SNX11: variants seen among roughly 807,000 people sequenced by gnomAD.
The protein encoded by SNX11 is sorting nexin 11.
SNX11 carries 19 observed loss-of-function variants against 30.7 expected under a neutral mutation model. That is an observed-to-expected ratio of 0.62 (90% CI 0.43 to 0.91). The LOEUF is 0.91. Among genes scored for constraint, SNX11 ranks in the 40% least tolerant of loss-of-function variants. The pLI, the probability that SNX11 is intolerant of heterozygous loss-of-function variation, is 0.00. For synonymous variants in SNX11, 112 were observed against 119.0 expected, an observed-to-expected ratio of 0.94 and a Z score of 0.38; for missense variants, 302 against 326.7, an observed-to-expected ratio of 0.92 and a Z score of 0.58.
At chr17:48,114,073 C>G (rs2063518437) in intron 4 of SNX11, among the ~76,000 whole-genome samples, 1 of 151,352 alleles carries the variant, frequency 6.6e-6, no homozygotes, top group Non-Finnish European at 1.5e-5. Flanking sequence ...CCAGGCTGGT[C>G]TCAAATTCCT....
At chr17:48,107,720 T>C (rs1357843998), upstream of SNX11, 1 of 152,186 alleles carries the variant, frequency 6.6e-6, no homozygotes. Context: ...GCACCCGGGA[T>C]TGGGGCGTCT....
intron 1 of SNX11, among the ~76,000 whole-genome samples, chr17:48,110,203 T>C (rs8066529): frequency 0.17 from 25,383 of 152,194 alleles, 2,177 homozygotes; most frequent in Non-Finnish European, 0.18. Context: ...TTGACTGATA[T>C]CTGGAATGTT....
chr17:48,121,324 T>C lies in SNX11; in HGVS notation c.629T>C (p.Val210Ala). ...EKDHLEVWAP[V>A]VDSEVPSLES... is the part of the protein sequence containing the mutation. ...GACCATTTAGAAGTGTGGGCTCCAG[T>C]TGTTGACTCTGAGGTTCCTTCCTTG... is the stretch of plus-strand genomic sequence containing the variant. The change falls in exon 7 of 7, where the codon GTT becomes GCT. Residue 210 changes from valine to alanine, a missense_variant. Transcript: ENST00000359238. 2 of 1,614,188 alleles carry C rather than the reference T, an allele frequency of 1.2e-6. No individual in the cohort carries two copies. Among genetic ancestry groups the C allele is most frequent in the Non-Finnish European group, 1.7e-6 (2 of 1,180,040 alleles).
chr17:48,116,757 G>A (rs990158535), intron 4 of SNX11, among the ~76,000 whole-genome samples: 20 of 150,206 alleles, frequency 1.3e-4, no homozygotes, highest in African/African-American at 4.6e-4. Flanking sequence ...TAGTAGAGTC[G>A]GGGTTTCACC....
chr17:48,113,016 G>C, intron 3 of SNX11: 1 of 337,660 alleles, frequency 3.0e-6, no homozygotes, highest in Non-Finnish European at 5.5e-6. Flanking sequence ...GGGATTATAG[G>C]CGTGAGCCAC....
At chr17:48,114,394 C>A (rs2063522851) in intron 4 of SNX11, among the ~76,000 whole-genome samples, 1 of 151,624 alleles carries the variant, frequency 6.6e-6, no homozygotes, top group African/African-American at 2.4e-5. Flanking sequence ...CTCAGGTGAT[C>A]TGCCTGCCTT....
In SNX11 at chr17:48,119,646, T is replaced by C. The variant is rs534661311; in HGVS notation, c.539+460T>C. On this transcript the variant is annotated intron_variant, in intron 6 of 6. Coordinates refer to ENST00000359238, the MANE Select transcript of SNX11 (RefSeq NM_013323.3). ...TTTGTATTTTTAGTAGAGACGGGAT[T>C]TTGCCATGTTGGCCAGGCTGGTCTC... Among the ~76,000 whole-genome samples the C allele has an allele frequency of 5.1e-3, 776 of 152,276 alleles. 1 individual carries two copies. The highest frequency in any genetic ancestry group is 0.014 in the African/African-American group (600 of 41,570).
Position 48,119,018 on chromosome 17 carries a change from T to C in SNX11, c.371T>C (p.Leu124Pro). 1 of 1,614,052 alleles carries C rather than the reference T, an allele frequency of 6.2e-7. No individual in the cohort carries two copies. Among genetic ancestry groups the C allele is most frequent in the Non-Finnish European group, 8.5e-7 (1 of 1,180,012 alleles). ...CTCCTGTCAGACAGCCAGTTGCACC[T>C]ATTCCTGCAAAGCCAGCTCTCGGTG... ...VVLLSDSQLH[L>P]FLQSQLSVPE... Residue 124 changes from leucine (L) to proline (P), a missense_variant, in exon 6 of 7, where the codon CTA becomes CCA. Physicochemically the swap from Leu to Pro is moderately conservative, Grantham distance 98. Transcript: ENST00000359238.
Position 48,121,670 on chromosome 17 carries a change from A to T in SNX11, c.*162A>T, listed in dbSNP as rs1004903346. ...CAGAGGTCAGTCATTACAGCCCCTT[A>T]TGCCTCTTCCATGGGAACAAATACT... On this transcript the variant is annotated 3_prime_UTR_variant, in exon 7 of 7. Coordinates refer to ENST00000359238, the MANE Select transcript of SNX11 (RefSeq NM_013323.3). 7 of 671,042 alleles carry T rather than the reference A, an allele frequency of 1.0e-5. No individual in the cohort carries two copies. The highest frequency in any genetic ancestry group is 1.8e-5 in the Non-Finnish European group (7 of 392,924). The allele number at this position is 671,042 out of a possible 1,614,324, so 41.6% of individuals were successfully genotyped here. A position where few individuals can be genotyped will look rare whatever the true frequency, so the allele number is the denominator to read the frequency against.
chr17:48,109,506 C>T (rs2063469361), intron 1 of SNX11, among the ~76,000 whole-genome samples: 1 of 151,876 alleles, frequency 6.6e-6, no homozygotes, highest in South Asian at 2.1e-4. Flanking sequence ...ATTTCGCCCG[C>T]CTCGGCCTCC....
In SNX11 at chr17:48,121,303, A is replaced by G. The variant is rs767862748; in HGVS notation, c.608A>G (p.His203Arg). 13 of 1,614,058 alleles carry G rather than the reference A, an allele frequency of 8.1e-6. No homozygotes were observed. The highest frequency in any genetic ancestry group is 1.1e-5 in the Non-Finnish European group (13 of 1,180,024). ...CCGCCTCCCAGTGAAGAAAAGGACC[A>G]TTTAGAAGTGTGGGCTCCAGTTGTT... Reference protein sequence around the residue: ...PSPPPSEEKDHLEVWAPVVDS... With the variant: ...PSPPPSEEKDRLEVWAPVVDS... Residue 203 changes from histidine to arginine, a missense_variant, in exon 7 of 7, where the codon CAT becomes CGT. Coordinates refer to ENST00000359238, the MANE Select transcript of SNX11 (RefSeq NM_013323.3).
rs1367458393 is a variant in SNX11 at position 48,123,414 on chromosome 17, A to G, written c.*1906A>G. Reference sequence around the variant, plus strand: ...TGGAGGTGGTCTGTGTCAATTCCCTACTCAGCCAAAAAAACAGCAAGCTGG... The same window carrying G: ...TGGAGGTGGTCTGTGTCAATTCCCTGCTCAGCCAAAAAAACAGCAAGCTGG... On this transcript the variant is annotated 3_prime_UTR_variant, in exon 7 of 7. Coordinates refer to ENST00000359238, the MANE Select transcript of SNX11 (RefSeq NM_013323.3). Among the ~76,000 whole-genome samples the G allele has an allele frequency of 6.8e-6, 1 of 146,884 alleles. No homozygotes were observed. The highest frequency in any genetic ancestry group is 1.5e-5 in the Non-Finnish European group (1 of 65,926).
chr17:48,111,517 C>T (rs112784015), intron 1 of SNX11, among the ~76,000 whole-genome samples: 2 of 151,924 alleles, frequency 1.3e-5, no homozygotes, highest in African/African-American at 2.4e-5. Flanking sequence ...TGTGGTGGCA[C>T]GTGCCTGTAA....
At position 48,119,051 on chromosome 17, in the gene SNX11, T is replaced by C. The variant is rs373086977; in HGVS notation, c.404T>C (p.Ile135Thr). The C allele has an allele frequency of 1.2e-6, 2 of 1,613,980 alleles. No homozygotes were observed. Among genetic ancestry groups the C allele is most frequent in the African/African-American group, 2.7e-5 (2 of 74,926 alleles). Residue 135 changes from isoleucine (I) to threonine (T), a missense_variant, in exon 6 of 7, where the codon ATA (isoleucine) becomes ACA (threonine). Physicochemically the swap from Ile to Thr is moderately conservative, Grantham distance 89. Transcript: ENST00000359238. The part of the protein sequence containing the change: ...FLQSQLSVPE[I>T]EACVQGRSTM... ...CAAAGCCAGCTCTCGGTGCCTGAGA[T>C]AGAAGCCTGTGTCCAGGGCCGAAGT...
chr17:48,121,268 C>A lies in SNX11; in HGVS notation c.573C>A (p.Ser191Arg). The change falls in exon 7 of 7, where the codon AGC becomes AGA. Residue 191 changes from serine (S) to arginine (R), a missense_variant. Coordinates refer to ENST00000359238, the MANE Select transcript of SNX11 (RefSeq NM_013323.3). ...CCFLPRSGRR[S>R]SPSPPPSEEK... is the part of the protein sequence containing the mutation. ...TTCTTCCAAGATCGGGTAGGAGGAG[C>A]TCTCCCTCACCGCCTCCCAGTGAAG... 1 of 1,614,162 alleles carries A rather than the reference C, an allele frequency of 6.2e-7. No homozygotes were observed. The highest frequency in any genetic ancestry group is 8.5e-7 in the Non-Finnish European group (1 of 1,180,014).
rs796250216 is a variant in SNX11, at chr17:48,119,951, G to A, written c.539+765G>A. On this transcript the variant is annotated intron_variant, in intron 6 of 6. Coordinates refer to ENST00000359238, the MANE Select transcript of SNX11 (RefSeq NM_013323.3). ...CCCCCCCAGCTCCTGGCAACCACTA[G>A]TCTACTTTCTCTGTCTATGCATTTG... 2.2e-4 allele frequency among the ~76,000 whole-genome samples: 33 copies of A among 152,120 alleles called. 1 individual carries two copies. The highest frequency in any genetic ancestry group is 7.7e-4 in the African/African-American group (32 of 41,480).
rs2063575431 is a variant in SNX11, at chr17:48,119,203, T to C, written c.539+17T>C. ...GCCTAAGAGGTAACTGGAGTACTCTTTGAGATAGCAGGGGCTAGGTTTGCT... is the reference window on the plus strand; with the variant it reads ...GCCTAAGAGGTAACTGGAGTACTCTCTGAGATAGCAGGGGCTAGGTTTGCT... On this transcript the variant is annotated intron_variant, in intron 6 of 6. Coordinates refer to ENST00000359238, the MANE Select transcript of SNX11 (RefSeq NM_013323.3). 1 of 1,594,942 alleles carries C rather than the reference T, an allele frequency of 6.3e-7. No individual in the cohort carries two copies. Among genetic ancestry groups the C allele is most frequent in the Non-Finnish European group, 8.6e-7 (1 of 1,163,722 alleles).
At chr17:48,118,895 G>A in intron 5 of SNX11, 79 bp from the exon 6 acceptor site, 2 of 1,565,618 alleles carry the variant, frequency 1.3e-6, no homozygotes, top group Non-Finnish European at 8.8e-7. Flanking sequence ...CAGGTAGCCA[G>A]AAGTTCTTAA....
At position 48,119,161 on chromosome 17, in the gene SNX11, C is replaced by G. The variant is rs1474749230; in HGVS notation, c.514C>G (p.Leu172Val). The G allele has an allele frequency of 1.9e-6, 3 of 1,613,814 alleles. No individual in the cohort carries two copies. The Admixed American group carries it at 5.0e-5, about 27-fold the overall frequency. Reference sequence around the variant, plus strand: ...GGAAGAGAGGCAGAGCTCTTCTCACCTGGCTAAAGGAGACCAGCCTAAGAG... The same window carrying G: ...GGAAGAGAGGCAGAGCTCTTCTCACGTGGCTAAAGGAGACCAGCCTAAGAG... ...AQEERQSSSHLAKGDQPKSCC... is the reference protein window; with the variant it reads ...AQEERQSSSHVAKGDQPKSCC... Residue 172 changes from leucine to valine, a missense_variant, in exon 6 of 7, where the codon CTG (leucine) becomes GTG (valine). Transcript: ENST00000359238.
Sources: allele counts gnomAD v4.1 joint callset (sites outside exome capture counted in the v4.1 genomes callset), GRCh38; gene constraint gnomAD v4.1.1; transcripts MANE v1.5; gene names NCBI Gene and HGNC (gene_info 2026-07-23, HGNC 2026-07-21).